Variants in L3MBTL2 observed in about 807,000 individuals in gnomAD.
L3MBTL2 encodes L3MBTL histone methyl-lysine binding protein 2, also known as lethal(3)malignant brain tumor-like protein 2.
Under a neutral mutation model 86.4 loss-of-function variants are expected in L3MBTL2, and 49 were observed. The observed-to-expected ratio is 0.57, with a 90% CI of 0.45 to 0.72. The LOEUF is 0.72. Ranked by LOEUF, L3MBTL2 falls within the 30% of genes least tolerant of loss-of-function variation. L3MBTL2 has a pLI of 0.00. For missense variants in L3MBTL2, 755 were observed against 923.7 expected (o/e 0.82, Z 2.37); for synonymous variants, 336 against 350.6 (o/e 0.96, Z 0.47).
chr22:41,209,597 G>A lies in L3MBTL2; in HGVS notation c.25-99G>A, dbSNP rs1055962740. On this transcript the variant is annotated intron_variant, in intron 1 of 16. Transcript: ENST00000216237. Reference sequence around the variant, plus strand: ...TAAAAGGGGTATTTGAAAGGTTCCCGAAAGTGTGAGGGGGCTGATAGCAGA... The same window carrying A: ...TAAAAGGGGTATTTGAAAGGTTCCCAAAAGTGTGAGGGGGCTGATAGCAGA... 1.7e-5 allele frequency: 17 copies of A among 1,017,098 alleles called. No individual in the cohort carries two copies. In the East Asian group the frequency reaches 1.7e-4, roughly 10 times the overall value. 63.0% of individuals were successfully genotyped at this position (1,017,098 alleles called of 1,614,324 possible). A position where few individuals can be genotyped will look rare whatever the true frequency, so the allele number is the denominator to read the frequency against.
Position 41,227,123 on chromosome 22 carries a change from A to C in L3MBTL2, c.1622A>C (p.Lys541Thr), listed in dbSNP as rs765130913. 1 of 1,613,580 alleles carries C rather than the reference A, an allele frequency of 6.2e-7. No individual in the cohort carries two copies. Among genetic ancestry groups the C allele is most frequent in the South Asian group, 1.1e-5 (1 of 91,038 alleles). ...CPNHGFKVGMKLEAVDLMEPR... is the reference protein window; with the variant it reads ...CPNHGFKVGMTLEAVDLMEPR... ...AACCATGGCTTCAAGGTGGGCATGA[A>C]GCTGGAGGCCGTGGACCTGATGGAG... Residue 541 changes from lysine (K) to threonine (T), a missense_variant, in exon 14 of 17, where the codon AAG becomes ACG. Physicochemically the swap from Lys to Thr is moderately conservative, Grantham distance 78. This residue lies in a region of L3MBTL2 where 634 missense variants were observed against 748.9 expected (regional missense o/e 0.85). Coordinates refer to ENST00000216237, the MANE Select transcript of L3MBTL2 (RefSeq NM_031488.5). The surrounding 1 kb of genome is among the most constrained non-coding windows in gnomAD (Gnocchi z 6.0).
intron 5 of L3MBTL2, chr22:41,217,554 C>A (rs1004764931): frequency 4.2e-6 from 1 of 238,582 alleles, no homozygotes; most frequent in Admixed American, 5.4e-5. Flanking sequence ...TGTAGCTGGC[C>A]TGGGCCCCGT....
chr22:41,221,846 A>G (rs2031846222), intron 8 of L3MBTL2, among the ~76,000 whole-genome samples: 1 of 151,742 alleles, frequency 6.6e-6, no homozygotes, highest in African/African-American at 2.4e-5. Flanking sequence ...CTCGTGATCC[A>G]TCTGCCTCGG....
In L3MBTL2 at chr22:41,227,307, G is replaced by A. The variant is rs1425188626; in HGVS notation, c.1806G>A (p.Gln602=). Reference sequence around the variant, plus strand: ...GTGAGCTCACCGGCTACCAGCTCCAGCCTCCTGTGGCCGCAGGTGTGGGCT... The same window carrying A: ...GTGAGCTCACCGGCTACCAGCTCCAACCTCCTGTGGCCGCAGGTGTGGGCT... ...GWCELTGYQL[Q]PPVAAEPATP... is the part of the protein sequence containing the mutation. The change falls in exon 14 of 17, where the codon CAG becomes CAA. Residue 602 remains glutamine, a synonymous_variant. Transcript: ENST00000216237. The surrounding 1 kb of genome is among the most constrained non-coding windows in gnomAD (Gnocchi z 6.0). The A allele has an allele frequency of 6.2e-7, 1 of 1,601,154 alleles. No homozygotes were observed. The highest frequency in any genetic ancestry group is 8.5e-7 in the Non-Finnish European group (1 of 1,174,270).
intron 2 of L3MBTL2, among the ~76,000 whole-genome samples, chr22:41,210,498 T>A (rs1157724204): frequency 6.6e-6 from 1 of 152,160 alleles, no homozygotes; most frequent in African/African-American, 2.4e-5. Flanking sequence ...CCCGGCTAAT[T>A]TTTTGTATTT....
Position 41,225,786 on chromosome 22 carries a change from C to G in L3MBTL2, c.1357-8C>G. The G allele has an allele frequency of 6.2e-7, 1 of 1,603,214 alleles. No homozygotes were observed. The highest frequency in any genetic ancestry group is 8.5e-7 in the Non-Finnish European group (1 of 1,172,192). On this transcript the variant is annotated splice_polypyrimidine_tract_variant and splice_region_variant and intron_variant, in intron 11 of 16. Coordinates refer to ENST00000216237, the MANE Select transcript of L3MBTL2 (RefSeq NM_031488.5). This position sits in a 1 kb window ranked among gnomAD's most constrained non-coding sequence, Gnocchi z 4.1. ...ATGATCTGTCTGCCTGCTCCCCCCA[C>G]CCCCCAGGTTCTCCTGGATGGATAC...
At position 41,227,504 on chromosome 22, in the gene L3MBTL2, C is replaced by T. The variant is rs2032269365; in HGVS notation, c.1822+181C>T. On this transcript the variant is annotated intron_variant, in intron 14 of 16. Transcript: ENST00000216237. The surrounding 1 kb of genome is among the most constrained non-coding windows in gnomAD (Gnocchi z 6.0). ...GCTCCTGACTTCTCTGTCTCCCTTT[C>T]CCTCTGGCCTGCAGAGCTCCTTCCT... 3.0e-6 allele frequency: 4 copies of T among 1,343,612 alleles called. No homozygotes were observed. Among genetic ancestry groups the T allele is most frequent in the Non-Finnish European group, 4.2e-6 (4 of 959,278 alleles). The allele number at this position is 1,343,612 out of a possible 1,614,324, so 83.2% of individuals were successfully genotyped here.
rs2145625288 is a variant in L3MBTL2, at chr22:41,230,626, T to C, written c.*375T>C. 4.0e-6 allele frequency: 1 copy of C among 248,154 alleles called. No homozygotes were observed. The highest frequency in any genetic ancestry group is 7.8e-6 in the Non-Finnish European group (1 of 128,168). The allele number at this position is 248,154 out of a possible 1,614,324, so 15.4% of individuals were successfully genotyped here. ...GGGCCACCACTGTCACACTGTGGAA[T>C]ACAAGACAGTGAACTCTGTCTGCCT... On this transcript the variant is annotated 3_prime_UTR_variant, in exon 17 of 17. Coordinates refer to ENST00000216237, the MANE Select transcript of L3MBTL2 (RefSeq NM_031488.5).
chr22:41,221,066 C>G, intron 7 of L3MBTL2, 133 bp from the exon 8 acceptor site: 1 of 957,622 alleles, frequency 1.0e-6, no homozygotes, highest in Non-Finnish European at 1.5e-6. Context: ...CAGATGAAGT[C>G]ATTGCTGGCC....
intron 8 of L3MBTL2, among the ~76,000 whole-genome samples, chr22:41,222,775 C>T (rs1432353979): frequency 1.3e-5 from 2 of 152,170 alleles, no homozygotes; most frequent in Non-Finnish European, 1.5e-5. Context: ...CAAAAATTAG[C>T]TGGGTGTGGT....
Position 41,230,391 on chromosome 22 carries a change from G to T in L3MBTL2, c.*140G>T. The T allele has an allele frequency of 1.5e-6, 1 of 670,990 alleles. No individual in the cohort carries two copies. The highest frequency in any genetic ancestry group is 2.6e-6 in the Non-Finnish European group (1 of 384,404). 41.6% of individuals were successfully genotyped at this position (670,990 alleles called of 1,614,324 possible). A position where few individuals can be genotyped will look rare whatever the true frequency, so the allele number is the denominator to read the frequency against. Reference sequence around the variant, plus strand: ...CTGCCCGGTGCTGTGAAGGCTGGACGGTGGAGGACCTGCTGGGGTCTCCTG... The same window carrying T: ...CTGCCCGGTGCTGTGAAGGCTGGACTGTGGAGGACCTGCTGGGGTCTCCTG... On this transcript the variant is annotated 3_prime_UTR_variant, in exon 17 of 17. Transcript: ENST00000216237.
Position 41,230,301 on chromosome 22 carries a change from C to T in L3MBTL2, c.*50C>T, listed in dbSNP as rs754140001. ...CTAGCTGGAAGCCAGCCCAGCGTTT[C>T]TCTACCACCACCACCATGCCTCCAC... On this transcript the variant is annotated 3_prime_UTR_variant, in exon 17 of 17. Coordinates refer to ENST00000216237, the MANE Select transcript of L3MBTL2 (RefSeq NM_031488.5). 47 of 1,353,328 alleles carry T rather than the reference C, an allele frequency of 3.5e-5. No homozygotes were observed. Among genetic ancestry groups the T allele is most frequent in the Non-Finnish European group, 5.0e-5 (47 of 944,788 alleles). The allele number at this position is 1,353,328 out of a possible 1,614,324, so 83.8% of individuals were successfully genotyped here. A position where few individuals can be genotyped will look rare whatever the true frequency, so the allele number is the denominator to read the frequency against.
chr22:41,208,430 T>C, intron 1 of L3MBTL2: 1 of 314,044 alleles, frequency 3.2e-6, no homozygotes, highest in Non-Finnish European at 6.4e-6. Flanking sequence ...GTACCCAGGC[T>C]CTTCACACGT....
At position 41,220,890 on chromosome 22, in the gene L3MBTL2, C is replaced by T. The variant is rs759875785; in HGVS notation, c.853+22C>T. ...CGGAGTGAGTTGATGAGAACATTTC[C>T]TCTCTTGTTCCCGTAGGGCCCCTGG... On this transcript the variant is annotated intron_variant, in intron 7 of 16. Coordinates refer to ENST00000216237, the MANE Select transcript of L3MBTL2 (RefSeq NM_031488.5). 6 of 1,603,264 alleles carry T rather than the reference C, an allele frequency of 3.7e-6. No individual in the cohort carries two copies. The Admixed American group carries it at 8.4e-5, about 22-fold the overall frequency.
In L3MBTL2 at chr22:41,225,141, A is replaced by G; in HGVS notation, c.1356+70A>G. 8.0e-7 allele frequency: 1 copy of G among 1,243,890 alleles called. No individual in the cohort carries two copies. The highest frequency in any genetic ancestry group is 1.1e-6 in the Non-Finnish European group (1 of 874,998). 77.1% of individuals were successfully genotyped at this position (1,243,890 alleles called of 1,614,324 possible). ...GGGACCCATGTGGCCCAGAGCTCTA[A>G]CCCCACTCGCCACCGTCAGGGGGTC... On this transcript the variant is annotated intron_variant, in intron 11 of 16. Transcript: ENST00000216237. The surrounding 1 kb of genome is among the most constrained non-coding windows in gnomAD (Gnocchi z 4.1).
chr22:41,207,409 G>C (rs1302588964), intron 1 of L3MBTL2, among the ~76,000 whole-genome samples: 1 of 150,978 alleles, frequency 6.6e-6, no homozygotes, highest in Non-Finnish European at 1.5e-5. Flanking sequence ...TTTTTATAGA[G>C]ACAGGGTTTC....
At chr22:41,218,869 GC>G in intron 5 of L3MBTL2, 1 of 152,486 alleles carries the variant, frequency 6.6e-6, no homozygotes, top group East Asian at 1.9e-4. Context: ...CAGGTGATCC[GC>G]CCGTCTCGGC....
rs1054959493 is a variant in L3MBTL2, at chr22:41,210,624, A to AGCC, written c.262+692_262+694dup. Among the ~76,000 whole-genome samples, 22 of 151,660 alleles carry AGCC rather than the reference A, an allele frequency of 1.5e-4. No homozygotes were observed. In the East Asian group the frequency reaches 4.3e-3, roughly 30 times the overall value. On this transcript the variant is annotated intron_variant, in intron 2 of 16. Coordinates refer to ENST00000216237, the MANE Select transcript of L3MBTL2 (RefSeq NM_031488.5). ...GATTACAGGCGTGTGCCACCGCGCC[A>AGCC]GCCTAACTTTTGTATTTTTAGTAGA...
chr22:41,229,410 C>T (rs933984856), intron 15 of L3MBTL2, 130 bp from the exon 16 acceptor site: 5 of 971,050 alleles, frequency 5.1e-6, no homozygotes, highest in Middle Eastern at 6.6e-4. Context: ...GAGTTGGAGT[C>T]CAGGCTTTCT....
Sources: allele counts gnomAD v4.1 joint callset (sites outside exome capture counted in the v4.1 genomes callset), GRCh38; gene constraint gnomAD v4.1.1; regional missense constraint gnomAD v4.1.1; non-coding constraint Gnocchi (gnomAD v3.1); transcripts MANE v1.5; gene names NCBI Gene and HGNC (gene_info 2026-07-23, HGNC 2026-07-21).